Variants in SEMA3D observed in about 807,000 individuals in gnomAD.
SEMA3D encodes semaphorin 3D, also known as semaphorin-3D.
In SEMA3D, 84 loss-of-function variants were observed where a neutral mutation model predicts 100.1. The ratio of observed to expected loss-of-function variants is 0.84; its 90% CI spans 0.70 to 1.01. The LOEUF (loss-of-function observed/expected upper bound fraction) is 1.01, where lower values mean the gene tolerates loss of function less well. Ranked by LOEUF, SEMA3D falls within the 50% of genes least tolerant of loss-of-function variation. The probability of loss-of-function intolerance (pLI) is 0.00; values close to 1 mark genes in which losing one functional copy is unlikely to be tolerated. For missense variants in SEMA3D, 875 were observed against 934.1 expected, an observed-to-expected ratio of 0.94 and a Z score of 0.82; for synonymous variants, 312 against 320.7, an observed-to-expected ratio of 0.97 and a Z score of 0.29.
intron 1 of SEMA3D, among the ~76,000 whole-genome samples, chr7:85,162,870 T>C (rs1354813898): frequency 6.6e-6 from 1 of 152,024 alleles, no homozygotes; most frequent in Non-Finnish European, 1.5e-5. Context: ...GCAAACATCA[T>C]CTTGGAACTG....
At chr7:85,039,308 C>T (rs1790788692) in intron 11 of SEMA3D, among the ~76,000 whole-genome samples, 1 of 152,096 alleles carries the variant, frequency 6.6e-6, no homozygotes, top group South Asian at 2.1e-4. Context: ...CTCTTGTTGC[C>T]GGGGCTGGAG....
At chr7:85,197,760 T>G in the SEMA3D span, among the ~76,000 whole-genome samples, 3 of 152,196 alleles carry the variant, frequency 2.0e-5, no homozygotes, top group African/African-American at 7.2e-5. Flanking sequence ...CCTATAACCC[T>G]GCAATTCTAC....
intron 2 of SEMA3D, among the ~76,000 whole-genome samples, chr7:85,126,322 A>C (rs1789562688): frequency 6.6e-6 from 1 of 151,828 alleles, no homozygotes; most frequent in Admixed American, 6.6e-5. Flanking sequence ...TGATTAAAAT[A>C]TGTAAGTCTT....
intron 17 of SEMA3D, among the ~76,000 whole-genome samples, chr7:85,009,959 G>T (rs1482918138): frequency 6.6e-6 from 1 of 151,386 alleles, no homozygotes; most frequent in Non-Finnish European, 1.5e-5. Flanking sequence ...GAATAAAAAA[G>T]GAATATCTGC....
intron 18 of SEMA3D, among the ~76,000 whole-genome samples, chr7:85,000,661 T>C (rs1452684706): frequency 6.6e-6 from 1 of 152,202 alleles, no homozygotes; most frequent in African/African-American, 2.4e-5. Context: ...TGATTTCAAG[T>C]GTGAGAAAGC....
At chr7:85,153,448 C>A (rs1790489581) in intron 2 of SEMA3D, among the ~76,000 whole-genome samples, 160 bp downstream of exon 2, 1 of 152,102 alleles carries the variant, frequency 6.6e-6, no homozygotes. Context: ...AACAAACTGT[C>A]ATGTAGAGTG....
chr7:85,225,219 AT>A, the SEMA3D span, among the ~76,000 whole-genome samples: 1 of 146,288 alleles, frequency 6.8e-6, no homozygotes, highest in East Asian at 2.0e-4. Context: ...ATACATATAT[AT>A]ATTATACTTT....
Position 85,178,317 on chromosome 7 carries a change from G to A in SEMA3D, c.-173+8361C>T, listed in dbSNP as rs561400454. 3.9e-5 allele frequency among the ~76,000 whole-genome samples: 6 copies of A among 152,300 alleles called. No individual in the cohort carries two copies. The East Asian group carries it at 7.7e-4, about 20-fold the overall frequency. ...CTGGGTAACAGGCAGAGGTTGGAAT[G>A]GTGTGAAGGGCTCAGAAGAAGACAG... On this transcript the variant is annotated intron_variant, in intron 1 of 18. Coordinates refer to ENST00000284136, the MANE Select transcript of SEMA3D (RefSeq NM_001384900.1).
At chr7:85,214,532 T>C in the SEMA3D span, among the ~76,000 whole-genome samples, 1 of 152,122 alleles carries the variant, frequency 6.6e-6, no homozygotes, top group South Asian at 2.1e-4. Context: ...GTTTCCCTCT[T>C]GTTGCCCAGG....
intron 6 of SEMA3D, 37 bp from the exon 7 acceptor site, chr7:85,068,321 A>G (rs1382790436): frequency 9.3e-7 from 1 of 1,077,242 alleles, no homozygotes; most frequent in Non-Finnish European, 1.4e-6. Context: ...GAACTTTTTA[A>G]AAATATTACA....
rs1474041625 is a variant in SEMA3D, at chr7:85,139,089, T to C, written c.-41+14519A>G. ...AGATTGCCAAGGGAAGAAATTCAGA[T>C]AGAGGAAAAAATAGGTGCAAGGACT... On this transcript the variant is annotated intron_variant, in intron 2 of 18. Coordinates refer to ENST00000284136, the MANE Select transcript of SEMA3D (RefSeq NM_001384900.1). Among the ~76,000 whole-genome samples, 4 of 151,994 alleles carry C rather than the reference T, an allele frequency of 2.6e-5. No individual in the cohort carries two copies. The East Asian group carries it at 7.7e-4, about 29-fold the overall frequency.
chr7:85,178,015 T>C (rs1011220718), intron 1 of SEMA3D, among the ~76,000 whole-genome samples: 5 of 152,146 alleles, frequency 3.3e-5, no homozygotes, highest in Admixed American at 3.3e-4. Flanking sequence ...GACCTGATGG[T>C]ATTATAAGGG....
intron 8 of SEMA3D, among the ~76,000 whole-genome samples, chr7:85,057,248 T>C (rs1310565225): frequency 2.0e-5 from 3 of 152,174 alleles, no homozygotes; most frequent in Non-Finnish European, 4.4e-5. Flanking sequence ...ATTTTAAGTC[T>C]TGGTTTTAAA....
At chr7:85,007,806 A>G (rs1307812613) in intron 17 of SEMA3D, among the ~76,000 whole-genome samples, 1 of 151,834 alleles carries the variant, frequency 6.6e-6, no homozygotes, top group Non-Finnish European at 1.5e-5. Context: ...CTTACTTAGC[A>G]CTATAGACAT....
intron 8 of SEMA3D, 137 bp downstream of exon 8, chr7:85,065,287 G>T (rs958015026): frequency 4.0e-6 from 3 of 755,818 alleles, no homozygotes; most frequent in Non-Finnish European, 6.1e-6. Flanking sequence ...TCTTAGTGGG[G>T]AATTATTTCA....
At chr7:85,212,699 G>T in the SEMA3D span, among the ~76,000 whole-genome samples, 1 of 151,884 alleles carries the variant, frequency 6.6e-6, no homozygotes, top group South Asian at 2.1e-4. Flanking sequence ...ATAAATTTTT[G>T]ATATTAAAAC....
At chr7:85,168,810 GA>G (rs1277446903) in intron 1 of SEMA3D, among the ~76,000 whole-genome samples, 1 of 133,040 alleles carries the variant, frequency 7.5e-6, no homozygotes, top group African/African-American at 2.8e-5. Flanking sequence ...AAGAAAGAAA[GA>G]AAGAAAGATG....
At chr7:85,140,580 T>C in intron 2 of SEMA3D, 1 of 939,526 alleles carries the variant, frequency 1.1e-6, no homozygotes, top group Non-Finnish European at 1.3e-6. Context: ...GTTTTATCTA[T>C]ATCTATATCT....
intron 2 of SEMA3D, among the ~76,000 whole-genome samples, chr7:85,147,864 C>T (rs1790260849): frequency 2.0e-5 from 3 of 151,958 alleles, no homozygotes; most frequent in African/African-American, 7.3e-5. Context: ...TTCATTTGAC[C>T]AACTCCCTGC....
Sources: allele counts gnomAD v4.1 joint callset (sites outside exome capture counted in the v4.1 genomes callset), GRCh38; gene constraint gnomAD v4.1.1; transcripts MANE v1.5; gene names NCBI Gene and HGNC (gene_info 2026-07-23, HGNC 2026-07-21).